The following PEAK1 variants were observed in gnomAD, a reference collection of about 807,000 sequenced individuals.
PEAK1 encodes inactive tyrosine-protein kinase PEAK1.
A neutral mutation model predicts 124.7 loss-of-function variants in PEAK1; 54 were observed. The ratio of observed to expected loss-of-function variants is 0.43; its 90% confidence interval spans 0.35 to 0.54. The LOEUF is 0.54. Among genes scored for constraint, PEAK1 ranks in the 20% least tolerant of loss-of-function variants. The probability of loss-of-function intolerance (pLI) is 0.01; values close to 1 mark genes in which losing one functional copy is unlikely to be tolerated. For missense variants in PEAK1, 2,046 were observed against 2,134.5 expected (o/e 0.96, Z 0.82); for synonymous variants, 719 against 760.0 (o/e 0.95, Z 0.89).
At position 77,114,138 on chromosome 15, in the gene PEAK1, G is replaced by C; in HGVS notation, c.*18C>G. The C allele has an allele frequency of 1.9e-6, 3 of 1,605,286 alleles. No homozygotes were observed. Among genetic ancestry groups the C allele is most frequent in the South Asian group, 1.1e-5 (1 of 90,562 alleles). The stretch of plus-strand genomic sequence containing the variant: ...TGAAGAAGGTGAAGATGTAGTAAAA[G>C]CATCATCCAGGTACACATTAACGGT... On this transcript the variant is annotated 3_prime_UTR_variant, in exon 10 of 10. Transcript: ENST00000682557.
intron 2 of PEAK1, among the ~76,000 whole-genome samples, chr15:77,301,424 C>G (rs374854370): frequency 1.3e-5 from 2 of 152,198 alleles, no homozygotes; most frequent in South Asian, 4.1e-4. Context: ...AATAAGATCA[C>G]GTTCACAAGT....
chr15:77,387,022 A>C (rs992264184), intron 1 of PEAK1, among the ~76,000 whole-genome samples: 4 of 152,232 alleles, frequency 2.6e-5, no homozygotes, highest in Admixed American at 2.0e-4. Flanking sequence ...TAACTCAATA[A>C]AGTGCAGACG....
rs1429658597 is a variant in PEAK1 at position 77,182,003 on chromosome 15, C to G, written c.-77G>C. 7 of 1,499,728 alleles carry G rather than the reference C, an allele frequency of 4.7e-6. No individual in the cohort carries two copies. The highest frequency in any genetic ancestry group is 6.2e-6 in the Non-Finnish European group (7 of 1,130,998). The allele number at this position is 1,499,728 out of a possible 1,614,324, so 92.9% of individuals were successfully genotyped here. A position where few individuals can be genotyped will look rare whatever the true frequency, so the allele number is the denominator to read the frequency against. ...ACTTTCATCTGTTAGTTTTCACTTC[C>G]CCTATGTGTTACAGCAGCTCTTCTA... is the stretch of plus-strand genomic sequence containing the variant. On this transcript the variant is annotated 5_prime_UTR_variant, in exon 7 of 10. Transcript: ENST00000682557.
intron 6 of PEAK1, among the ~76,000 whole-genome samples, chr15:77,237,442 T>C (rs79860458): frequency 2.6e-5 from 4 of 151,954 alleles, no homozygotes; most frequent in African/African-American, 9.6e-5. Flanking sequence ...TTTTTTTTTT[T>C]CAAATATCCA....
intron 2 of PEAK1, chr15:77,334,261 T>C (rs1333091804): frequency 5.1e-6 from 5 of 984,812 alleles, no homozygotes; most frequent in South Asian, 4.7e-5. Context: ...GTAATTTTCC[T>C]AGATTTTCTG....
chr15:77,402,522 C>A (rs1217471510), intron 1 of PEAK1: 10 of 964,344 alleles, frequency 1.0e-5, no homozygotes, highest in Non-Finnish European at 1.1e-5. Context: ...ATATAATTAT[C>A]ATGTGAAGAA....
At chr15:77,420,198 C>A, upstream of PEAK1, 1 of 150,012 alleles carries the variant, frequency 6.7e-6, no homozygotes, top group South Asian at 1.8e-4. Context: ...CCCGCCTCCT[C>A]TCGGCCCCGC....
chr15:77,350,645 A>G (rs1567294137), intron 2 of PEAK1: 9 of 984,986 alleles, frequency 9.1e-6, no homozygotes, highest in Non-Finnish European at 1.1e-5. Flanking sequence ...AGCTTGTGAC[A>G]TAGCATCACT....
intron 6 of PEAK1, among the ~76,000 whole-genome samples, chr15:77,220,292 A>C (rs2152877112): frequency 6.6e-6 from 1 of 152,148 alleles, no homozygotes; most frequent in East Asian, 1.9e-4. Context: ...ATTTACTTAA[A>C]AGTTGCAACT....
At chr15:77,309,490 C>T (rs1296738155) in intron 2 of PEAK1, among the ~76,000 whole-genome samples, 1 of 151,790 alleles carries the variant, frequency 6.6e-6, no homozygotes, top group Non-Finnish European at 1.5e-5. Context: ...GTGGTGGTTG[C>T]AAAATGCTGA....
At chr15:77,219,984 TGAGAA>T (rs1199338859) in intron 6 of PEAK1, among the ~76,000 whole-genome samples, 7 of 152,262 alleles carry the variant, frequency 4.6e-5, no homozygotes, top group Admixed American at 1.3e-4. Context: ...AAATACATAT[TGAGAA>T]GCATGCAGAC....
chr15:77,287,557 T>C (rs977336796), intron 2 of PEAK1, among the ~76,000 whole-genome samples: 5 of 152,200 alleles, frequency 3.3e-5, no homozygotes, highest in African/African-American at 1.2e-4. Context: ...CCCAGTTTCC[T>C]TTTTGGGTTC....
intron 2 of PEAK1, among the ~76,000 whole-genome samples, chr15:77,311,505 GTCTCTACTAA>G (rs2064441486): frequency 6.6e-6 from 1 of 151,904 alleles, no homozygotes; most frequent in African/African-American, 2.4e-5. Flanking sequence ...GCAAAACCCT[GTCTCTACTAA>G]AAATACAAAA....
chr15:77,258,159 C>T (rs1020746806), intron 5 of PEAK1, among the ~76,000 whole-genome samples: 39 of 152,062 alleles, frequency 2.6e-4, no homozygotes, highest in East Asian at 1.2e-3. Flanking sequence ...AGTCAGGTGG[C>T]GTGATGCCTC....
chr15:77,353,045 C>T, intron 2 of PEAK1: 13 of 965,194 alleles, frequency 1.3e-5, no homozygotes, highest in African/African-American at 1.8e-5. Context: ...AAACCATGAA[C>T]CCTCTGAGGC....
At chr15:77,415,398 G>A (rs997203139) in intron 1 of PEAK1, among the ~76,000 whole-genome samples, 1 of 152,092 alleles carries the variant, frequency 6.6e-6, no homozygotes, top group African/African-American at 2.4e-5. Flanking sequence ...TTTCACAGGG[G>A]TGGATTAATT....
chr15:77,337,558 T>C (rs2066279788), intron 2 of PEAK1: 1 of 984,960 alleles, frequency 1.0e-6, no homozygotes, highest in Non-Finnish European at 1.2e-6. Context: ...CTGGCAGAGA[T>C]TCCACACCAA....
At chr15:77,124,734 G>A (rs1239659992) in intron 9 of PEAK1, among the ~76,000 whole-genome samples, 2 of 152,078 alleles carry the variant, frequency 1.3e-5, no homozygotes, top group Non-Finnish European at 2.9e-5. Context: ...ATACTTAGTG[G>A]CTTCCCACAA....
At chr15:77,176,605 A>G (rs956342106) in intron 7 of PEAK1, among the ~76,000 whole-genome samples, 2 of 152,222 alleles carry the variant, frequency 1.3e-5, no homozygotes, top group African/African-American at 4.8e-5. Context: ...GAACTGTGCT[A>G]TTTGGATTCA....
Sources: allele counts gnomAD v4.1 joint callset (sites outside exome capture counted in the v4.1 genomes callset), GRCh38; gene constraint gnomAD v4.1.1; transcripts MANE v1.5; gene names NCBI Gene and HGNC (gene_info 2026-07-23, HGNC 2026-07-21).